The following PLXNC1 variants were observed in gnomAD, a reference collection of about 807,000 sequenced individuals.
The protein encoded by PLXNC1 is plexin-C1.
In PLXNC1, 75 loss-of-function variants were observed where a neutral mutation model predicts 178.2. The ratio of observed to expected loss-of-function variants is 0.42; its 90% CI spans 0.35 to 0.51. PLXNC1 has a LOEUF of 0.51. Among genes scored for constraint, PLXNC1 ranks in the 20% least tolerant of loss-of-function variants. The pLI is 0.02. For synonymous variants in PLXNC1, 790 were observed against 779.9 expected (o/e 1.01, Z -0.22); for missense variants, 1,503 against 1,984.4 (o/e 0.76, Z 4.61).
At chr12:94,155,565 T>C (rs1323772033) in intron 1 of PLXNC1, among the ~76,000 whole-genome samples, 2 of 152,208 alleles carry the variant, frequency 1.3e-5, no homozygotes, top group Non-Finnish European at 2.9e-5. Flanking sequence ...CAACACATTT[T>C]ACCACCTGAT....
At chr12:94,151,199 G>A (rs1458198934) in intron 1 of PLXNC1, among the ~76,000 whole-genome samples, 1 of 152,152 alleles carries the variant, frequency 6.6e-6, no homozygotes, top group Non-Finnish European at 1.5e-5. Context: ...CTTGGAAAAT[G>A]TGTTGATACA....
At chr12:94,178,298 A>C (rs570452793) in intron 2 of PLXNC1, among the ~76,000 whole-genome samples, 1 of 152,336 alleles carries the variant, frequency 6.6e-6, no homozygotes, top group African/African-American at 2.4e-5. Flanking sequence ...TTAGTGCTAA[A>C]GACTTGACTA....
rs939070858 is a variant in PLXNC1 at position 94,226,698 on chromosome 12, G to A, written c.1884G>A (p.Glu628=). 1.9e-5 allele frequency: 30 copies of A among 1,609,500 alleles called. No individual in the cohort carries two copies. The highest frequency in any genetic ancestry group is 2.1e-5 in the Non-Finnish European group (25 of 1,176,040). Residue 628 remains glutamate (E), a synonymous_variant, in exon 8 of 31, where the codon GAG becomes GAA. Transcript: ENST00000258526. ...PFTACDPSDY[E]RNQEQCPVAV... ...CAGCTTGCGACCCTTCTGATTATGA[G>A]AGAAACCAGGTAAAGTGACATTTTT...
chr12:94,150,051 G>A lies in PLXNC1; in HGVS notation c.1062+18G>A. On this transcript the variant is annotated intron_variant, in intron 1 of 30. Coordinates refer to ENST00000258526, the MANE Select transcript of PLXNC1 (RefSeq NM_005761.3). ...GCCACTGCGTAAGTCCTGCCCCCGG[G>A]GCGCCGCGGAGAGCGCTGCTGCCGG... is the stretch of plus-strand genomic sequence containing the variant. The A allele has an allele frequency of 6.5e-7, 1 of 1,546,550 alleles. No individual in the cohort carries two copies. Among genetic ancestry groups the A allele is most frequent in the South Asian group, 1.2e-5 (1 of 82,952 alleles).
chr12:94,297,329 C>G lies in PLXNC1; in HGVS notation c.3980C>G (p.Ser1327Trp). ...DDHCHLILPD[S>W]EAFQDVQGKR... ...TCTTCCCTTCAGATTTTACCAGATT[C>G]GGAAGCATTCCAAGATGTGCAAGGA... Residue 1327 changes from serine to tryptophan, a missense_variant, in exon 26 of 31, where the codon TCG becomes TGG. Transcript: ENST00000258526. 1.9e-6 allele frequency: 3 copies of G among 1,613,860 alleles called. No homozygotes were observed. The highest frequency in any genetic ancestry group is 2.5e-6 in the Non-Finnish European group (3 of 1,179,834).
chr12:94,191,761 C>G (rs535299142), intron 4 of PLXNC1, among the ~76,000 whole-genome samples: 1 of 120,582 alleles, frequency 8.3e-6, no homozygotes, highest in African/African-American at 2.8e-5. Context: ...CAGAGTGAAA[C>G]TCCATCTCAA....
intron 23 of PLXNC1, among the ~76,000 whole-genome samples, chr12:94,288,432 G>A (rs1385878414): frequency 6.6e-6 from 1 of 152,226 alleles, no homozygotes; most frequent in African/African-American, 2.4e-5. Flanking sequence ...TCAGGAGGAA[G>A]ACAGTCTCAG....
At chr12:94,286,756 CCTA>C (rs1197053657) in intron 23 of PLXNC1, among the ~76,000 whole-genome samples, 3 of 152,156 alleles carry the variant, frequency 2.0e-5, no homozygotes, top group Non-Finnish European at 2.9e-5. Context: ...GCCAGTTCCT[CCTA>C]CTATCTAAAC....
intron 10 of PLXNC1, among the ~76,000 whole-genome samples, chr12:94,239,572 A>G (rs540147843): frequency 2.0e-5 from 3 of 152,350 alleles, no homozygotes; most frequent in Admixed American, 6.5e-5. Context: ...CTCATGTAGC[A>G]CGGTTATACT....
At chr12:94,214,450 C>G (rs971656492) in intron 5 of PLXNC1, among the ~76,000 whole-genome samples, 1 of 152,108 alleles carries the variant, frequency 6.6e-6, no homozygotes, top group Non-Finnish European at 1.5e-5. Flanking sequence ...ATACTGTTGA[C>G]ATTATTTGTA....
At chr12:94,268,614 A>ATTTTTTTTTTTTTTTTTTT (rs1173732971) in intron 21 of PLXNC1, among the ~76,000 whole-genome samples, 50 of 66,872 alleles carry the variant, frequency 7.5e-4, no homozygotes, top group African/African-American at 1.8e-3. Flanking sequence ...TTTTTTTTTA[A>ATTTTTTTTTTTTTTTTTTT]TTTAAGGAAT....
intron 9 of PLXNC1, among the ~76,000 whole-genome samples, chr12:94,236,166 T>C (rs1964234617): frequency 6.6e-6 from 1 of 152,230 alleles, no homozygotes; most frequent in Non-Finnish European, 1.5e-5. Context: ...AATACAGGGC[T>C]AACGTCCTTC....
chr12:94,282,181 T>C (rs1966487840), intron 22 of PLXNC1, 117 bp from the exon 23 acceptor site: 1 of 709,122 alleles, frequency 1.4e-6, no homozygotes, highest in Non-Finnish European at 2.5e-6. Flanking sequence ...GATGCATCTC[T>C]ACACCTTCAA....
chr12:94,302,470 T>C (rs1490657257), intron 28 of PLXNC1, among the ~76,000 whole-genome samples: 1 of 152,232 alleles, frequency 6.6e-6, no homozygotes, highest in East Asian at 1.9e-4. Context: ...CTTTCCCCAA[T>C]ATATTTCCTA....
intron 21 of PLXNC1, chr12:94,277,684 T>A (rs919180192): frequency 8.4e-5 from 28 of 333,016 alleles, no homozygotes; most frequent in Non-Finnish European, 5.9e-6. Flanking sequence ...ATACTGAGCA[T>A]GGAGTGGGCG....
chr12:94,200,981 C>G (rs939495736), intron 4 of PLXNC1, among the ~76,000 whole-genome samples: 9 of 152,140 alleles, frequency 5.9e-5, no homozygotes, highest in African/African-American at 2.2e-4. Flanking sequence ...GAAACACAGA[C>G]AAGAATTTAG....
intron 2 of PLXNC1, among the ~76,000 whole-genome samples, chr12:94,175,703 T>C (rs1284316139): frequency 2.0e-5 from 3 of 152,272 alleles, no homozygotes; most frequent in South Asian, 4.1e-4. Context: ...AAATCTTGAA[T>C]GCTAATAGCG....
In PLXNC1 at chr12:94,275,840, G is replaced by A. The variant is rs953920425; in HGVS notation, c.3598-3632G>A. The stretch of plus-strand genomic sequence containing the variant: ...ACTGCACTCCAGCCTGGGCGACAGA[G>A]CGAGACTCCGTCTCAAAAAAAAAAA... On this transcript the variant is annotated intron_variant, in intron 21 of 30. Coordinates refer to ENST00000258526, the MANE Select transcript of PLXNC1 (RefSeq NM_005761.3). Among the ~76,000 whole-genome samples, 6 of 71,160 alleles carry A rather than the reference G, an allele frequency of 8.4e-5. No homozygotes were observed. In the Admixed American group the frequency reaches 9.9e-4, roughly 12 times the overall value. 46.7% of individuals were successfully genotyped at this position (71,160 alleles called of 152,430 possible).
rs138472467 is a variant in PLXNC1, at chr12:94,255,068, A to G, written c.2984-125A>G. 621 of 929,850 alleles carry G rather than the reference A, an allele frequency of 6.7e-4. 4 individuals carry two copies. In the African/African-American group the frequency reaches 9.2e-3, roughly 14 times the overall value. The allele number at this position is 929,850 out of a possible 1,614,324, so 57.6% of individuals were successfully genotyped here. A position where few individuals can be genotyped will look rare whatever the true frequency, so the allele number is the denominator to read the frequency against. On this transcript the variant is annotated intron_variant, in intron 16 of 30. Coordinates refer to ENST00000258526, the MANE Select transcript of PLXNC1 (RefSeq NM_005761.3). ...TTCAGCTCTTCTCTGCAGCCAACCA[A>G]GTCATTATCTATTGTTTCTTCTTTA... is the stretch of plus-strand genomic sequence containing the variant.
Sources: allele counts gnomAD v4.1 joint callset (sites outside exome capture counted in the v4.1 genomes callset), GRCh38; gene constraint gnomAD v4.1.1; transcripts MANE v1.5; gene names NCBI Gene and HGNC (gene_info 2026-07-23, HGNC 2026-07-21).